PKD1L1: variants seen among roughly 807,000 people sequenced by gnomAD.
The protein encoded by PKD1L1 is polycystin 1 like 1, transient receptor potential channel interacting, also known as polycystin-1-like protein 1.
In PKD1L1, 236 loss-of-function variants were observed where a neutral mutation model predicts 323.4. The observed-to-expected ratio is 0.73, with a 90% CI of 0.66 to 0.81. The LOEUF (loss-of-function observed/expected upper bound fraction) is 0.81. Among genes scored for constraint, PKD1L1 ranks in the 40% least tolerant of loss-of-function variants. The probability of loss-of-function intolerance (pLI) is 0.00; values close to 1 mark genes in which losing one functional copy is unlikely to be tolerated. For missense variants in PKD1L1, 3,320 were observed against 3,508.0 expected (o/e 0.95, Z 1.35); for synonymous variants, 1,344 against 1,335.0 (o/e 1.01, Z -0.15).
intron 56 of PKD1L1, among the ~76,000 whole-genome samples, chr7:47,791,804 T>G (rs927168759): frequency 6.6e-6 from 1 of 152,314 alleles, no homozygotes; most frequent in African/African-American, 2.4e-5. Flanking sequence ...CACTCAGTCA[T>G]GTGAACATGA....
At chr7:47,788,794 TC>T in intron 56 of PKD1L1, among the ~76,000 whole-genome samples, 1 of 151,696 alleles carries the variant, frequency 6.6e-6, no homozygotes, top group East Asian at 1.9e-4. Flanking sequence ...AGATGGGTTT[TC>T]ACCGTGTGAG....
intron 31 of PKD1L1, among the ~76,000 whole-genome samples, chr7:47,849,284 C>G (rs963658807): frequency 2.6e-5 from 4 of 152,108 alleles, no homozygotes; most frequent in African/African-American, 9.7e-5. Context: ...TAGACATTGG[C>G]TTAGGCAAAT....
chr7:47,912,973 T>C (rs1562987222), intron 8 of PKD1L1, among the ~76,000 whole-genome samples: 1 of 151,544 alleles, frequency 6.6e-6, no homozygotes, highest in Non-Finnish European at 1.5e-5. Context: ...TCAGACAGAG[T>C]GTCAGGGCCA....
rs1158549040 is a variant in PKD1L1 at position 47,881,976 on chromosome 7, A to C, written c.3375T>G (p.Pro1125=). 6.2e-7 allele frequency: 1 copy of C among 1,614,042 alleles called. No individual in the cohort carries two copies. Among genetic ancestry groups the C allele is most frequent in the Non-Finnish European group, 8.5e-7 (1 of 1,179,986 alleles). The change falls in exon 20 of 57, where the codon CCT becomes CCG. Residue 1125 remains proline, a synonymous_variant. Coordinates refer to ENST00000289672, the MANE Select transcript of PKD1L1 (RefSeq NM_138295.5). The part of the protein sequence containing the change: ...DPSLSAGRAE[P]VLMIDWPKAL... ...CCTTGGGCCAGTCAATCATGAGGAC[A>C]GGCTCGGCTCTGCCTGCAGACAGGG...
chr7:47,916,202 G>A (rs1364526747), intron 7 of PKD1L1, among the ~76,000 whole-genome samples: 2 of 152,188 alleles, frequency 1.3e-5, no homozygotes, highest in Non-Finnish European at 2.9e-5. Context: ...ACCTGTCATC[G>A]AGGAGAAAAG....
chr7:47,892,117 G>GT (rs1329237067), intron 15 of PKD1L1, among the ~76,000 whole-genome samples: 8 of 152,330 alleles, frequency 5.3e-5, no homozygotes, highest in African/African-American at 1.9e-4. Flanking sequence ...AGTGACCATA[G>GT]TAAGTGAGCA....
chr7:47,904,035 C>T (rs1385027506), intron 12 of PKD1L1, among the ~76,000 whole-genome samples: 1 of 152,202 alleles, frequency 6.6e-6, no homozygotes, highest in Non-Finnish European at 1.5e-5. Context: ...CCTCACTTAG[C>T]ACCTTTGCCC....
chr7:47,902,723 G>C (rs1787119057), intron 12 of PKD1L1, among the ~76,000 whole-genome samples: 1 of 152,084 alleles, frequency 6.6e-6, no homozygotes, highest in East Asian at 1.9e-4. Context: ...AGCTAGCCTG[G>C]GCCAGGCCAA....
chr7:47,908,128 C>T lies in PKD1L1; in HGVS notation c.1351G>A (p.Val451Ile). 1 of 1,614,196 alleles carries T rather than the reference C, an allele frequency of 6.2e-7. No homozygotes were observed. Among genetic ancestry groups the T allele is most frequent in the South Asian group, 1.1e-5 (1 of 91,078 alleles). The change falls in exon 9 of 57, where the codon GTC (valine) becomes ATC (isoleucine). Residue 451 changes from valine (V) to isoleucine (I), a missense_variant. Coordinates refer to ENST00000289672, the MANE Select transcript of PKD1L1 (RefSeq NM_138295.5). ...AVSAFMNSSSVHEDEVLVFAD... is the reference protein window; with the variant it reads ...AVSAFMNSSSIHEDEVLVFAD... ...AAGACAAGCACTTCATCTTCATGGA[C>T]ACTGCTGGAGTTCATGAACGCAGAC...
At chr7:47,928,242 G>C (rs182932419) in intron 7 of PKD1L1, among the ~76,000 whole-genome samples, 8 of 152,174 alleles carry the variant, frequency 5.3e-5, no homozygotes, top group Non-Finnish European at 1.0e-4. Context: ...TACACCATGA[G>C]AATGTATATG....
intron 2 of PKD1L1, 88 bp from the exon 3 acceptor site, chr7:47,940,405 C>G: frequency 1.4e-6 from 2 of 1,457,270 alleles, no homozygotes; most frequent in Non-Finnish European, 1.9e-6. Context: ...CTAAGTTATA[C>G]ATAAGGTCAA....
chr7:47,944,984 G>A (rs1175800809), intron 1 of PKD1L1, among the ~76,000 whole-genome samples: 1 of 152,156 alleles, frequency 6.6e-6, no homozygotes, highest in Non-Finnish European at 1.5e-5. Context: ...AATGGGAACC[G>A]TTGCCAAGTT....
intron 53 of PKD1L1, among the ~76,000 whole-genome samples, chr7:47,801,462 C>G (rs1335544815): frequency 6.6e-6 from 1 of 152,208 alleles, no homozygotes; most frequent in African/African-American, 2.4e-5. Context: ...CCAACCAGCC[C>G]TGGTGCTGAC....
At chr7:47,940,734 C>G (rs1787969274) in intron 2 of PKD1L1, among the ~76,000 whole-genome samples, 1 of 152,170 alleles carries the variant, frequency 6.6e-6, no homozygotes, top group Non-Finnish European at 1.5e-5. Context: ...AAAGACACTC[C>G]AAAGTTTATA....
At chr7:47,959,431 G>A in the PKD1L1 span, among the ~76,000 whole-genome samples, 5 of 146,334 alleles carry the variant, frequency 3.4e-5, no homozygotes, top group South Asian at 6.6e-4. Context: ...GTCTCTGCCC[G>A]GCCGCCCATC....
At chr7:47,876,258 C>T (rs998735542) in intron 22 of PKD1L1, 41 bp from the exon 23 acceptor site, 1 of 1,604,652 alleles carries the variant, frequency 6.2e-7, no homozygotes, top group African/African-American at 1.3e-5. Flanking sequence ...TATAAATGAA[C>T]ACACTGTGAA....
chr7:47,941,015 A>G (rs919385215), intron 2 of PKD1L1, among the ~76,000 whole-genome samples: 2 of 152,224 alleles, frequency 1.3e-5, no homozygotes, highest in Non-Finnish European at 2.9e-5. Flanking sequence ...GAAAATGTCC[A>G]TAATAAAAGT....
rs955418361 is a variant in PKD1L1, at chr7:47,821,091, C to T, written c.6950G>A (p.Arg2317Gln). 18 of 1,591,418 alleles carry T rather than the reference C, an allele frequency of 1.1e-5. No homozygotes were observed. Among genetic ancestry groups the T allele is most frequent in the Admixed American group, 3.3e-5 (2 of 59,950 alleles). The part of the protein sequence containing the change: ...QDEYSLNQAI[R>Q]KEFTRNARNC... ...AACCTCCTACCTTGTAAATTCTTTC[C>T]GGATAGCTTGATTGAGGGAGTATTC... The change falls in exon 46 of 57, where the codon CGG (arginine) becomes CAG (glutamine). Residue 2317 changes from arginine to glutamine, a missense_variant. By Grantham distance (43) the Arg-to-Gln change is conservative. Coordinates refer to ENST00000289672, the MANE Select transcript of PKD1L1 (RefSeq NM_138295.5).
intron 21 of PKD1L1, among the ~76,000 whole-genome samples, chr7:47,879,628 G>A (rs375266119): frequency 0.31 from 28,451 of 92,436 alleles, 5,189 homozygotes; most frequent in African/African-American, 0.5. Flanking sequence ...GCAAGACTTT[G>A]TCTCAAAAAA....
Sources: allele counts gnomAD v4.1 joint callset (sites outside exome capture counted in the v4.1 genomes callset), GRCh38; gene constraint gnomAD v4.1.1; transcripts MANE v1.5; gene names NCBI Gene and HGNC (gene_info 2026-07-23, HGNC 2026-07-21).